Variants in RBPJ observed in about 807,000 individuals in gnomAD.
RBPJ encodes recombining binding protein suppressor of hairless.
A neutral mutation model predicts 67.8 loss-of-function variants in RBPJ; 9 were observed. That is an observed-to-expected ratio of 0.13 (90% confidence interval 0.08 to 0.23). The LOEUF (loss-of-function observed/expected upper bound fraction) is 0.23. Ranked by LOEUF, RBPJ falls within the 10% of genes least tolerant of loss-of-function variation. The probability of loss-of-function intolerance (pLI) is 1.00; values close to 1 mark genes in which losing one functional copy is unlikely to be tolerated. For missense variants in RBPJ, 305 were observed against 595.6 expected, an observed-to-expected ratio of 0.51 and a Z score of 5.08; for synonymous variants, 198 against 203.3, an observed-to-expected ratio of 0.97 and a Z score of 0.22.
chr4:26,224,383 C>T (rs923373041), intron 1 of RBPJ, among the ~76,000 whole-genome samples: 1 of 152,180 alleles, frequency 6.6e-6, no homozygotes, highest in Non-Finnish European at 1.5e-5. Flanking sequence ...GTATGCACCA[C>T]CATGCCAAAC....
At chr4:26,130,935 A>G in the RBPJ span, among the ~76,000 whole-genome samples, 3 of 152,196 alleles carry the variant, frequency 2.0e-5, no homozygotes, top group Non-Finnish European at 4.4e-5. Flanking sequence ...TGAAACTGCT[A>G]AAATTACATT....
chr4:26,306,572 C>A (rs758941968), intron 1 of RBPJ, among the ~76,000 whole-genome samples: 38 of 152,010 alleles, frequency 2.5e-4, no homozygotes, highest in Non-Finnish European at 4.0e-4. Context: ...GCCTCAGCCT[C>A]CCGAGTAGCT....
chr4:26,311,991 C>T (rs891951457), intron 1 of RBPJ, among the ~76,000 whole-genome samples: 5 of 152,146 alleles, frequency 3.3e-5, no homozygotes, highest in Admixed American at 2.0e-4. Flanking sequence ...TCTGAGCACC[C>T]TGTTATAAAT....
chr4:26,109,945 G>T, the RBPJ span, among the ~76,000 whole-genome samples: 1 of 151,818 alleles, frequency 6.6e-6, no homozygotes, highest in Non-Finnish European at 1.5e-5. Flanking sequence ...CCTACTCTGG[G>T]ATGAAACCTT....
At chr4:26,289,384 C>CAAAAAAAAAAAAAAAAAAAAAA (rs60159669) in intron 1 of RBPJ, among the ~76,000 whole-genome samples, 39 of 78,310 alleles carry the variant, frequency 5.0e-4, no homozygotes, top group African/African-American at 1.7e-3. Context: ...GACTTGGTCT[C>CAAAAAAAAAAAAAAAAAAAAAA]AAAAAAAAAA....
At position 26,406,058 on chromosome 4, in the gene RBPJ, G is replaced by A. The variant is rs972843801; in HGVS notation, c.60-117G>A. On this transcript the variant is annotated intron_variant, in intron 2 of 10. Transcript: ENST00000355476. ...TTTGCTTTATTGTTTTTGTTTTTAA[G>A]ATTTGCTTATTTAAAAAATATTTAT... The A allele has an allele frequency of 1.1e-4, 67 of 606,702 alleles. 1 individual carries two copies. Among genetic ancestry groups the A allele is most frequent in the Non-Finnish European group, 1.7e-4 (59 of 347,084 alleles). 37.6% of individuals were successfully genotyped at this position (606,702 alleles called of 1,614,324 possible).
the RBPJ span, among the ~76,000 whole-genome samples, chr4:26,140,689 G>T: frequency 1.5e-5 from 2 of 133,014 alleles, no homozygotes; most frequent in Non-Finnish European, 3.1e-5. Context: ...ATGGTCACCA[G>T]CGTTTTGATT....
intron 1 of RBPJ, among the ~76,000 whole-genome samples, chr4:26,175,160 A>G (rs1462362462): frequency 3.3e-5 from 5 of 152,244 alleles, no homozygotes; most frequent in African/African-American, 7.2e-5. Flanking sequence ...AATGTCTTCT[A>G]CAGAGCCACG....
At chr4:26,120,713 A>ATTT in the RBPJ span, among the ~76,000 whole-genome samples, 3 of 77,572 alleles carry the variant, frequency 3.9e-5, no homozygotes, top group Non-Finnish European at 7.8e-5. Flanking sequence ...CATTTTCTCA[A>ATTT]CTTTTTTTTT....
At chr4:26,276,026 G>A (rs1375109370) in intron 1 of RBPJ, among the ~76,000 whole-genome samples, 1 of 151,430 alleles carries the variant, frequency 6.6e-6, no homozygotes, top group Non-Finnish European at 1.5e-5. Flanking sequence ...TGTAATCCCA[G>A]CACTTTGGGA....
At chr4:26,247,369 A>G (rs974360317) in intron 1 of RBPJ, among the ~76,000 whole-genome samples, 3 of 151,940 alleles carry the variant, frequency 2.0e-5, no homozygotes, top group Non-Finnish European at 4.4e-5. Flanking sequence ...CTTTCTTCAT[A>G]TAGATTCCAA....
At chr4:26,211,618 C>T (rs748002227) in intron 1 of RBPJ, among the ~76,000 whole-genome samples, 14 of 152,134 alleles carry the variant, frequency 9.2e-5, no homozygotes, top group Non-Finnish European at 1.6e-4. Context: ...AAGCACCATC[C>T]TTAGTGCAGT....
upstream of RBPJ, among the ~76,000 whole-genome samples, chr4:26,320,103 G>A (rs1033392315): frequency 1.3e-5 from 2 of 152,218 alleles, no homozygotes; most frequent in African/African-American, 4.8e-5. Flanking sequence ...TGGCTGCGAT[G>A]GGGTCTTAGA....
chr4:26,228,783 T>G (rs1719170797), intron 1 of RBPJ, among the ~76,000 whole-genome samples: 1 of 152,216 alleles, frequency 6.6e-6, no homozygotes, highest in Non-Finnish European at 1.5e-5. Context: ...TCTCTATAAA[T>G]CGTTTGACTG....
chr4:26,336,878 C>G (rs554827357), intron 1 of RBPJ, among the ~76,000 whole-genome samples: 56 of 152,224 alleles, frequency 3.7e-4, no homozygotes, highest in Non-Finnish European at 4.4e-4. Context: ...ATAACTTTTA[C>G]CACCTCCCTA....
chr4:26,268,738 G>C (rs547499752), intron 1 of RBPJ, among the ~76,000 whole-genome samples: 15 of 152,028 alleles, frequency 9.9e-5, no homozygotes, highest in African/African-American at 2.7e-4. Flanking sequence ...CCTGGCTGAG[G>C]GGGGAGGGGC....
chr4:26,165,805 T>C (rs1716261822), intron 1 of RBPJ, among the ~76,000 whole-genome samples: 1 of 151,676 alleles, frequency 6.6e-6, no homozygotes, highest in South Asian at 2.1e-4. Context: ...TATGCTGGTG[T>C]GCTGCACCCA....
chr4:26,257,473 T>C (rs1409367292), intron 1 of RBPJ, among the ~76,000 whole-genome samples: 2 of 152,114 alleles, frequency 1.3e-5, no homozygotes, highest in African/African-American at 4.8e-5. Flanking sequence ...CTATTAAAAA[T>C]ACAAAATTTG....
In RBPJ at chr4:26,261,847, TA is replaced by T. The variant is rs1720549820; in HGVS notation, c.-167+98239del. Among the ~76,000 whole-genome samples, 3 of 152,382 alleles carry T rather than the reference TA, an allele frequency of 2.0e-5. No individual in the cohort carries two copies. The South Asian group carries it at 6.2e-4, about 32-fold the overall frequency. ...CATGTGTTTAATTGATTTGCCATCATAAAAAAGGTTCTCAGCCATTTATACC... is the reference window on the plus strand; with the variant it reads ...CATGTGTTTAATTGATTTGCCATCATAAAAAGGTTCTCAGCCATTTATACC... On this transcript the variant is annotated intron_variant, in intron 1 of 4. Transcript: ENST00000512351.
Sources: gnomAD v4.1 joint callset for allele counts (sites outside exome capture counted in the v4.1 genomes callset) on GRCh38, gnomAD v4.1.1 for gene constraint, MANE v1.5 for transcripts, NCBI Gene and HGNC (gene_info 2026-07-23, HGNC 2026-07-21) for gene names.